CEP112: variants seen among roughly 807,000 people sequenced by gnomAD.
CEP112 encodes the protein centrosomal protein 112.
A neutral mutation model predicts 153.0 loss-of-function variants in CEP112; 127 were observed. That is an observed-to-expected ratio of 0.83 (90% CI 0.72 to 0.96). The LOEUF is 0.96. Among genes scored for constraint, CEP112 ranks in the 40% least tolerant of loss-of-function variants. The probability of loss-of-function intolerance (pLI) is 0.00; values close to 1 mark genes in which losing one functional copy is unlikely to be tolerated. For synonymous variants in CEP112, 358 were observed against 374.4 expected, an observed-to-expected ratio of 0.96 and a Z score of 0.51; for missense variants, 1,089 against 1,101.2, an observed-to-expected ratio of 0.99 and a Z score of 0.16.
chr17:65,828,874 G>C (rs2056958655), intron 21 of CEP112, among the ~76,000 whole-genome samples: 1 of 151,116 alleles, frequency 6.6e-6, no homozygotes, highest in Non-Finnish European at 1.5e-5. Flanking sequence ...TATGTTTTTA[G>C]AGAGTTTTTT....
chr17:65,844,554 G>A (rs889705156), intron 21 of CEP112, among the ~76,000 whole-genome samples: 20 of 151,616 alleles, frequency 1.3e-4, no homozygotes, highest in African/African-American at 3.2e-4. Context: ...ATGTGGTGGC[G>A]CATGCCTGTA....
chr17:65,763,236 T>C (rs1278332462), intron 21 of CEP112, among the ~76,000 whole-genome samples: 1 of 151,992 alleles, frequency 6.6e-6, no homozygotes, highest in Non-Finnish European at 1.5e-5. Flanking sequence ...TCAATACTTT[T>C]TAAACATTTT....
In CEP112 at chr17:65,791,039, T is replaced by TG. The variant is rs1013339277; in HGVS notation, c.2395-40316dup. 8.0e-4 allele frequency among the ~76,000 whole-genome samples: 119 copies of TG among 148,626 alleles called. 1 individual carries two copies. The highest frequency in any genetic ancestry group is 2.7e-3 in the African/African-American group (109 of 40,766). The stretch of plus-strand genomic sequence containing the variant: ...CACTTTATTTTGATCCCATTTGGAA[T>TG]GGGGGGGAGGCTTAATCTTCATATG... On this transcript the variant is annotated intron_variant, in intron 21 of 26. Transcript: ENST00000535342.
At chr17:65,980,729 A>G (rs1414545339) in intron 17 of CEP112, among the ~76,000 whole-genome samples, 2 of 152,136 alleles carry the variant, frequency 1.3e-5, no homozygotes, top group Non-Finnish European at 2.9e-5. Context: ...CTCAAAATGT[A>G]CCACCAGGCT....
chr17:65,951,374 T>C lies in CEP112; in HGVS notation c.1872+10089A>G, dbSNP rs551679382. ...GCCATTTGTCTTAGACTTTTCTTTG[T>C]GAGAATATTTTTAATTGGCAATTAA... On this transcript the variant is annotated intron_variant, in intron 18 of 26. Transcript: ENST00000535342. 5.3e-5 allele frequency among the ~76,000 whole-genome samples: 8 copies of C among 152,290 alleles called. No homozygotes were observed. In the South Asian group the frequency reaches 6.2e-4, roughly 12 times the overall value.
intron 5 of CEP112, among the ~76,000 whole-genome samples, chr17:66,130,736 A>G (rs1220827127): frequency 1.4e-5 from 2 of 143,948 alleles, no homozygotes; most frequent in Non-Finnish European, 3.0e-5. Context: ...AGATCACGCC[A>G]CTGCACTCCA....
chr17:65,871,624 G>C (rs987660018), intron 20 of CEP112, among the ~76,000 whole-genome samples: 5 of 152,234 alleles, frequency 3.3e-5, no homozygotes, highest in East Asian at 3.9e-4. Context: ...GACAGAGCGA[G>C]ACTCCGTCTC....
At chr17:65,881,600 C>T (rs1459632982) in intron 20 of CEP112, among the ~76,000 whole-genome samples, 2 of 152,304 alleles carry the variant, frequency 1.3e-5, no homozygotes, top group Non-Finnish European at 2.9e-5. Context: ...TCAATTATAA[C>T]ATCATACCCA....
chr17:65,841,914 A>C (rs959781843), intron 21 of CEP112, among the ~76,000 whole-genome samples: 2 of 151,824 alleles, frequency 1.3e-5, no homozygotes, highest in Admixed American at 1.3e-4. Flanking sequence ...ACATACACAC[A>C]CACACACACA....
At chr17:66,031,065 T>A (rs1034951729) in intron 12 of CEP112, among the ~76,000 whole-genome samples, 6 of 152,220 alleles carry the variant, frequency 3.9e-5, no homozygotes, top group African/African-American at 1.4e-4. Flanking sequence ...GACTAACTTC[T>A]TTAAATGCAT....
intron 21 of CEP112, among the ~76,000 whole-genome samples, chr17:65,841,500 T>G (rs1034248623): frequency 4.6e-5 from 7 of 151,816 alleles, no homozygotes; most frequent in African/African-American, 1.5e-4. Context: ...CTGGGAAGGG[T>G]AAAGAGGAGA....
In CEP112 at chr17:65,772,408, G is replaced by A. The variant is rs143439439; in HGVS notation, c.2395-21684C>T. Among the ~76,000 whole-genome samples, 329 of 152,162 alleles carry A rather than the reference G, an allele frequency of 2.2e-3. 10 individuals are homozygous for A. The East Asian group carries it at 0.057, about 26-fold the overall frequency. Reference sequence around the variant, plus strand: ...ATTACCAATATCAGAAATAGAGACAGGGGACATTACTATCAGATTCTGTAG... The same window carrying A: ...ATTACCAATATCAGAAATAGAGACAAGGGACATTACTATCAGATTCTGTAG... On this transcript the variant is annotated intron_variant, in intron 21 of 26. Transcript: ENST00000535342.
At chr17:65,929,231 A>C in intron 18 of CEP112, among the ~76,000 whole-genome samples, 1 of 152,224 alleles carries the variant, frequency 6.6e-6, no homozygotes, top group African/African-American at 2.4e-5. Flanking sequence ...TGTTATTAAA[A>C]AAGAAAGCGG....
At chr17:65,773,705 TCTGAAGTCTTAAAC>T (rs988643718) in intron 21 of CEP112, among the ~76,000 whole-genome samples, 1 of 152,232 alleles carries the variant, frequency 6.6e-6, no homozygotes, top group Non-Finnish European at 1.5e-5. Context: ...CCTGGATATT[TCTGAAGTCTTAAAC>T]CTGATATTTT....
intron 18 of CEP112, among the ~76,000 whole-genome samples, chr17:65,958,155 T>C (rs2062063134): frequency 6.6e-6 from 1 of 152,182 alleles, no homozygotes; most frequent in Non-Finnish European, 1.5e-5. Flanking sequence ...ATGGTTTCCT[T>C]ATGTGTGGGA....
intron 21 of CEP112, among the ~76,000 whole-genome samples, chr17:65,811,065 T>C (rs1447948007): frequency 6.6e-6 from 1 of 152,218 alleles, no homozygotes; most frequent in Non-Finnish European, 1.5e-5. Context: ...ACTGGGAAAA[T>C]GAATTAACAT....
At chr17:65,927,271 A>G (rs1489305311) in intron 19 of CEP112, among the ~76,000 whole-genome samples, 1 of 152,130 alleles carries the variant, frequency 6.6e-6, no homozygotes, top group Admixed American at 6.5e-5. Context: ...AGAGGCCACT[A>G]TGCTTTCTGC....
At chr17:66,022,816 C>A (rs2065055601) in intron 16 of CEP112, among the ~76,000 whole-genome samples, 1 of 150,310 alleles carries the variant, frequency 6.7e-6, no homozygotes, top group Non-Finnish European at 1.5e-5. Flanking sequence ...AAAGACATCA[C>A]AAAATCAATT....
At chr17:65,820,052 C>T (rs2056451792) in intron 21 of CEP112, among the ~76,000 whole-genome samples, 1 of 151,846 alleles carries the variant, frequency 6.6e-6, no homozygotes, top group Non-Finnish European at 1.5e-5. Flanking sequence ...ATGGCAATTC[C>T]CTGTACTATT....
Sources: gnomAD v4.1 joint callset for allele counts (sites outside exome capture counted in the v4.1 genomes callset) on GRCh38, gnomAD v4.1.1 for gene constraint, MANE v1.5 for transcripts, NCBI Gene and HGNC (gene_info 2026-07-23, HGNC 2026-07-21) for gene names.